SPAG16: variants seen among roughly 807,000 people sequenced by gnomAD.
The protein encoded by SPAG16 is sperm associated antigen 16, also known as sperm-associated antigen 16 protein.
In SPAG16, 86 loss-of-function variants were observed where a neutral mutation model predicts 80.4. The observed-to-expected ratio is 1.07, with a 90% CI of 0.90 to 1.28. The LOEUF (loss-of-function observed/expected upper bound fraction) is 1.28, where lower values mean the gene tolerates loss of function less well. Ranked by LOEUF, SPAG16 falls within the 50% of genes most tolerant of loss-of-function variation. The pLI is 0.00. For missense variants in SPAG16, 870 were observed against 765.3 expected (o/e 1.14, Z -1.61); for synonymous variants, 294 against 265.9 (o/e 1.11, Z -1.03).
At chr2:213,611,896 T>C (rs1441776329) in intron 10 of SPAG16, among the ~76,000 whole-genome samples, 2 of 152,186 alleles carry the variant, frequency 1.3e-5, no homozygotes, top group Non-Finnish European at 2.9e-5. Flanking sequence ...TCACAGAAAG[T>C]TACCCATTTG....
chr2:213,624,436 A>G (rs2061889785), intron 10 of SPAG16, among the ~76,000 whole-genome samples: 1 of 152,164 alleles, frequency 6.6e-6, no homozygotes, highest in Non-Finnish European at 1.5e-5. Flanking sequence ...TAAAGGCAAC[A>G]CTAGATACTG....
At chr2:213,287,446 G>A (rs2062095747) in intron 1 of SPAG16, among the ~76,000 whole-genome samples, 1 of 152,202 alleles carries the variant, frequency 6.6e-6, no homozygotes, top group African/African-American at 2.4e-5. Flanking sequence ...AATTGACTTT[G>A]TTGTTCCTTG....
chr2:214,232,693 A>G (rs1688787212), intron 15 of SPAG16, among the ~76,000 whole-genome samples: 1 of 152,054 alleles, frequency 6.6e-6, no homozygotes. Flanking sequence ...CTCTAGTGTC[A>G]TATATAATAA....
chr2:213,938,969 A>T (rs11678221), intron 12 of SPAG16, among the ~76,000 whole-genome samples: 60,845 of 151,858 alleles, frequency 0.4, 12,868 homozygotes, highest in South Asian at 0.57. Context: ...CTAACACTTA[A>T]CAAAGAGAGC....
intron 15 of SPAG16, among the ~76,000 whole-genome samples, chr2:214,173,594 A>G (rs1055216599): frequency 6.6e-6 from 1 of 151,916 alleles, no homozygotes; most frequent in African/African-American, 2.4e-5. Flanking sequence ...TAGCTTACCA[A>G]CCAAAAAGAG....
At chr2:214,305,046 T>A (rs1224921159) in intron 15 of SPAG16, among the ~76,000 whole-genome samples, 1 of 152,206 alleles carries the variant, frequency 6.6e-6, no homozygotes, top group Non-Finnish European at 1.5e-5. Context: ...CTGTTATTAT[T>A]TGACTTTTCA....
intron 9 of SPAG16, among the ~76,000 whole-genome samples, chr2:213,441,410 G>T (rs1025126183): frequency 1.3e-5 from 2 of 152,128 alleles, no homozygotes; most frequent in Non-Finnish European, 2.9e-5. Context: ...TACATATGCA[G>T]ATCTATATAT....
rs1033755480 is a variant in SPAG16, at chr2:213,419,018, A to G, written c.942+43899A>G. On this transcript the variant is annotated intron_variant, in intron 9 of 15. Coordinates refer to ENST00000331683, the MANE Select transcript of SPAG16 (RefSeq NM_024532.5). ...TAAAAGCCTGTTTCCTAATGCTGCT[A>G]TGCTACAGGAGTAGTATGGTAGGAA... Among the ~76,000 whole-genome samples, 13 of 106,788 alleles carry G rather than the reference A, an allele frequency of 1.2e-4. No individual in the cohort carries two copies. The East Asian group carries it at 2.3e-3, about 19-fold the overall frequency. 70.1% of individuals were successfully genotyped at this position (106,788 alleles called of 152,430 possible). A position where few individuals can be genotyped will look rare whatever the true frequency, so the allele number is the denominator to read the frequency against.
At chr2:213,558,990 A>T (rs2059518244) in intron 10 of SPAG16, among the ~76,000 whole-genome samples, 2 of 152,178 alleles carry the variant, frequency 1.3e-5, no homozygotes, top group Non-Finnish European at 2.9e-5. Flanking sequence ...TCATAATGGC[A>T]TAATTACATG....
At chr2:213,584,509 G>A (rs780520876) in intron 10 of SPAG16, among the ~76,000 whole-genome samples, 27 of 152,038 alleles carry the variant, frequency 1.8e-4, no homozygotes, top group Admixed American at 9.2e-4. Flanking sequence ...ATAGAATTTT[G>A]TGCTCACTAT....
At chr2:213,745,130 G>T (rs1465556679) in intron 10 of SPAG16, among the ~76,000 whole-genome samples, 8 of 152,048 alleles carry the variant, frequency 5.3e-5, no homozygotes, top group Admixed American at 5.2e-4. Context: ...AAGTTAACCA[G>T]TTATACAATG....
intron 15 of SPAG16, among the ~76,000 whole-genome samples, chr2:214,235,225 A>C (rs1441298494): frequency 6.6e-6 from 1 of 152,164 alleles, no homozygotes; most frequent in Non-Finnish European, 1.5e-5. Flanking sequence ...ATTTTGCAAA[A>C]GCAAATTTAT....
chr2:213,877,200 C>T (rs2076173458), intron 11 of SPAG16, among the ~76,000 whole-genome samples: 1 of 152,082 alleles, frequency 6.6e-6, no homozygotes, highest in Non-Finnish European at 1.5e-5. Flanking sequence ...CTTTCAAATC[C>T]ACTTATTAAG....
At chr2:213,478,702 T>A (rs1274718057) in intron 9 of SPAG16, among the ~76,000 whole-genome samples, 3 of 152,226 alleles carry the variant, frequency 2.0e-5, no homozygotes, top group African/African-American at 7.2e-5. Context: ...AATTCATTTT[T>A]TTGAATGAAT....
intron 7 of SPAG16, among the ~76,000 whole-genome samples, chr2:213,350,932 T>G (rs1328860755): frequency 1.3e-5 from 2 of 150,614 alleles, no homozygotes; most frequent in African/African-American, 4.9e-5. Context: ...GAGACCAGCC[T>G]GGCCAATATG....
At chr2:213,765,619 T>C (rs748534669) in intron 10 of SPAG16, among the ~76,000 whole-genome samples, 4 of 152,032 alleles carry the variant, frequency 2.6e-5, no homozygotes, top group Non-Finnish European at 5.9e-5. Flanking sequence ...GTGTGTTATT[T>C]ACTTGTTTCT....
intron 14 of SPAG16, among the ~76,000 whole-genome samples, chr2:214,116,502 C>T (rs916501777): frequency 6.6e-6 from 1 of 152,124 alleles, no homozygotes; most frequent in African/African-American, 2.4e-5. Context: ...TCACGTGGGC[C>T]AGTGAGACAG....
At chr2:214,366,165 G>A (rs1350316935) in intron 15 of SPAG16, among the ~76,000 whole-genome samples, 2 of 152,078 alleles carry the variant, frequency 1.3e-5, no homozygotes, top group Admixed American at 1.3e-4. Flanking sequence ...TTTTAGGAGA[G>A]ATGGAGTTTC....
intron 10 of SPAG16, among the ~76,000 whole-genome samples, chr2:213,735,276 T>G (rs989908312): frequency 1.3e-5 from 2 of 152,220 alleles, no homozygotes; most frequent in Non-Finnish European, 2.9e-5. Flanking sequence ...GATTTGTGAT[T>G]GTGAATTATT....
Sources: gnomAD v4.1 joint callset for allele counts (sites outside exome capture counted in the v4.1 genomes callset) on GRCh38, gnomAD v4.1.1 for gene constraint, MANE v1.5 for transcripts, NCBI Gene and HGNC (gene_info 2026-07-23, HGNC 2026-07-21) for gene names.